USH2A: variants seen among roughly 807,000 people sequenced by gnomAD.
The protein encoded by USH2A is Usher syndrome 2A (autosomal recessive, mild).
In USH2A, 443 loss-of-function variants were observed where a neutral mutation model predicts 538.9. The ratio of observed to expected loss-of-function variants is 0.82; its 90% CI spans 0.76 to 0.89. The LOEUF is 0.89. USH2A is among the 40% of genes least tolerant of loss of function. The pLI, the probability that USH2A is intolerant of heterozygous loss-of-function variation, is 0.00. For missense variants in USH2A, 6,633 were observed against 6,324.8 expected, an observed-to-expected ratio of 1.05 and a Z score of -1.65; for synonymous variants, 2,413 against 2,273.5, an observed-to-expected ratio of 1.06 and a Z score of -1.75.
intron 67 of USH2A, among the ~76,000 whole-genome samples, chr1:215,643,134 T>A (rs1369497675): frequency 6.6e-6 from 1 of 152,132 alleles, no homozygotes; most frequent in Non-Finnish European, 1.5e-5. Flanking sequence ...TAGCTGAGAT[T>A]ACAGGTGTGT....
intron 26 of USH2A, among the ~76,000 whole-genome samples, chr1:216,081,633 C>T (rs1289527259): frequency 6.6e-6 from 1 of 152,046 alleles, no homozygotes; most frequent in Admixed American, 6.6e-5. Context: ...GCTCTCTTGC[C>T]CAGGCTGGAG....
chr1:215,964,644 G>A (rs1025101773), intron 37 of USH2A, among the ~76,000 whole-genome samples: 1 of 152,054 alleles, frequency 6.6e-6, no homozygotes, highest in South Asian at 2.1e-4. Flanking sequence ...GGCCACTCCT[G>A]GAAGATGATA....
intron 51 of USH2A, among the ~76,000 whole-genome samples, chr1:215,788,318 T>C (rs964164963): frequency 2.0e-5 from 3 of 152,120 alleles, no homozygotes; most frequent in African/African-American, 4.8e-5. Context: ...TGACTAGATA[T>C]GTCTGTGTGA....
chr1:215,858,481 A>C (rs1033981266), intron 44 of USH2A, among the ~76,000 whole-genome samples: 5 of 148,466 alleles, frequency 3.4e-5, no homozygotes, highest in Admixed American at 1.3e-4. Flanking sequence ...CTATGTGTGC[A>C]TTCTCTCTCT....
chr1:216,197,783 T>C (rs1380343122), intron 18 of USH2A, among the ~76,000 whole-genome samples: 2 of 152,200 alleles, frequency 1.3e-5, no homozygotes, highest in Non-Finnish European at 2.9e-5. Context: ...AGATATGTTG[T>C]CCTCCTTCCT....
chr1:215,950,504 CTTT>C (rs11326101), intron 37 of USH2A, among the ~76,000 whole-genome samples: 5 of 131,264 alleles, frequency 3.8e-5, no homozygotes, highest in Admixed American at 8.0e-5. Flanking sequence ...TAATTGCTAC[CTTT>C]TTTTTTTTTT....
chr1:215,931,726 A>G (rs974825121), intron 38 of USH2A, among the ~76,000 whole-genome samples: 35 of 152,042 alleles, frequency 2.3e-4, no homozygotes, highest in Admixed American at 2.0e-3. Flanking sequence ...TTCATTATGC[A>G]CCTACCATGT....
At chr1:215,705,933 T>C (rs537895669) in intron 61 of USH2A, among the ~76,000 whole-genome samples, 75 of 152,342 alleles carry the variant, frequency 4.9e-4, no homozygotes, top group African/African-American at 1.8e-3. Flanking sequence ...TTAGCATAAG[T>C]TCCTTATGCC....
intron 37 of USH2A, among the ~76,000 whole-genome samples, chr1:215,959,902 TC>T (rs1226026559): frequency 4.6e-5 from 7 of 152,032 alleles, no homozygotes; most frequent in Non-Finnish European, 8.8e-5. Context: ...GAAGATCACG[TC>T]CCAATTCATT....
chr1:216,000,725 T>C (rs954532714), intron 32 of USH2A, among the ~76,000 whole-genome samples, 163 bp from the exon 33 acceptor site: 11 of 152,162 alleles, frequency 7.2e-5, no homozygotes, highest in African/African-American at 2.7e-4. Flanking sequence ...GGATGCTTCA[T>C]CCCTTAAATA....
intron 65 of USH2A, among the ~76,000 whole-genome samples, chr1:215,649,464 TAAG>T (rs1656975070): frequency 6.6e-6 from 1 of 152,250 alleles, no homozygotes; most frequent in African/African-American, 2.4e-5. Flanking sequence ...AACATATGAT[TAAG>T]AAGAGCTGTT....
chr1:215,789,842 G>C (rs1421241143), intron 51 of USH2A, among the ~76,000 whole-genome samples: 1 of 152,078 alleles, frequency 6.6e-6, no homozygotes, highest in Non-Finnish European at 1.5e-5. Context: ...GCTGGGTAAA[G>C]CTTCCCTGAG....
intron 58 of USH2A, among the ~76,000 whole-genome samples, chr1:215,753,617 C>T (rs1558083293): frequency 6.6e-6 from 1 of 151,080 alleles, no homozygotes; most frequent in East Asian, 1.9e-4. Context: ...ACAATGAGAA[C>T]ACATGGACAC....
intron 21 of USH2A, among the ~76,000 whole-genome samples, chr1:216,118,563 G>A (rs2033061058): frequency 6.6e-6 from 1 of 152,184 alleles, no homozygotes; most frequent in Non-Finnish European, 1.5e-5. Flanking sequence ...TATATTGAGT[G>A]TCTCCAACAG....
chr1:215,627,429 C>CTTCT (rs1169349127), intron 71 of USH2A, among the ~76,000 whole-genome samples: 958 of 83,866 alleles, frequency 0.011, 40 homozygotes, highest in African/African-American at 0.04. Context: ...TCCTTCCTTC[C>CTTCT]TTCCTTCCTT....
intron 70 of USH2A, among the ~76,000 whole-genome samples, chr1:215,629,773 C>CTTTTTTTTTTTTTTTTTTTTT (rs34349385): frequency 1.6e-5 from 2 of 125,054 alleles, no homozygotes; most frequent in African/African-American, 6.5e-5. Flanking sequence ...CTTTTCTTTT[C>CTTTTTTTTTTTTTTTTTTTTT]TTTTTTTTTT....
chr1:216,273,704 T>C (rs2036616906), intron 11 of USH2A, among the ~76,000 whole-genome samples: 1 of 151,814 alleles, frequency 6.6e-6, no homozygotes. Context: ...TTAGGAGATA[T>C]TATCAAATAT....
At chr1:216,326,903 T>C (rs2037742433) in intron 5 of USH2A, among the ~76,000 whole-genome samples, 1 of 152,150 alleles carries the variant, frequency 6.6e-6, no homozygotes, top group African/African-American at 2.4e-5. Context: ...AATATACTAT[T>C]ATACCATGAT....
intron 38 of USH2A, among the ~76,000 whole-genome samples, chr1:215,931,053 G>C (rs1666351294): frequency 6.6e-6 from 1 of 151,768 alleles, no homozygotes; most frequent in South Asian, 2.1e-4. Context: ...GCAGAAGTAG[G>C]GAAGGATCTG....
Sources: gnomAD v4.1 joint callset for allele counts (sites outside exome capture counted in the v4.1 genomes callset) on GRCh38, gnomAD v4.1.1 for gene constraint, MANE v1.5 for transcripts, NCBI Gene and HGNC (gene_info 2026-07-23, HGNC 2026-07-21) for gene names.